The following STRBP variants were observed in gnomAD, a reference collection of about 807,000 sequenced individuals.
STRBP encodes the protein spermatid perinuclear RNA binding protein, also known as spermatid perinuclear RNA-binding protein.
Under a neutral mutation model 80.1 loss-of-function variants are expected in STRBP, and 13 were observed. That is an observed-to-expected ratio of 0.16 (90% confidence interval 0.11 to 0.26). The LOEUF is 0.26. STRBP is among the 10% of genes least tolerant of loss of function. STRBP has a pLI of 1.00. For synonymous variants in STRBP, 284 were observed against 291.2 expected, an observed-to-expected ratio of 0.98 and a Z score of 0.25; for missense variants, 485 against 815.2, an observed-to-expected ratio of 0.59 and a Z score of 4.93.
intron 2 of STRBP, among the ~76,000 whole-genome samples, chr9:123,205,047 C>G (rs1427175219): frequency 3.3e-5 from 5 of 152,060 alleles, no homozygotes; most frequent in Non-Finnish European, 7.4e-5. Context: ...GGGCAGATCA[C>G]CCGAGGTCAG....
At position 123,115,368 on chromosome 9, in the gene STRBP, C is replaced by G; in HGVS notation, c.*84+561G>C. On this transcript the variant is annotated intron_variant and NMD_transcript_variant, in intron 3 of 3. Coordinates refer to the STRBP transcript ENST00000471564. This position sits in a 1 kb window ranked among gnomAD's most constrained non-coding sequence, Gnocchi z 5.0. ...GGAGACCTGGGAACGGGCCTGCCAG[C>G]GCCCAGCCCAGGGCTGGCAAGGAGG... The G allele has an allele frequency of 2.1e-6, 1 of 471,078 alleles. No homozygotes were observed. Among genetic ancestry groups the G allele is most frequent in the Non-Finnish European group, 4.4e-6 (1 of 227,042 alleles). The allele number at this position is 471,078 out of a possible 1,614,324, so 29.2% of individuals were successfully genotyped here.
chr9:123,245,319 C>T (rs962980124), intron 1 of STRBP, among the ~76,000 whole-genome samples: 1 of 152,230 alleles, frequency 6.6e-6, no homozygotes, highest in African/African-American at 2.4e-5. Context: ...GCTTAGGTAG[C>T]ATCCCAAACC....
intron 13 of STRBP, among the ~76,000 whole-genome samples, chr9:123,140,224 A>T (rs750931108): frequency 1.1e-4 from 17 of 152,236 alleles, no homozygotes; most frequent in Admixed American, 3.9e-4. Flanking sequence ...TCTTTGAACC[A>T]ACTTGCCTGT....
chr9:123,265,286 C>T (rs531449514), intron 1 of STRBP, among the ~76,000 whole-genome samples: 9 of 152,098 alleles, frequency 5.9e-5, no homozygotes, highest in African/African-American at 2.2e-4. Context: ...TTCCCACTTC[C>T]ACTCAAACTT....
At chr9:123,164,372 A>C (rs781523584) in intron 6 of STRBP, among the ~76,000 whole-genome samples, 1 of 152,110 alleles carries the variant, frequency 6.6e-6, no homozygotes, top group East Asian at 1.9e-4. Flanking sequence ...AAGAAAATCT[A>C]TTACTCAGTA....
At chr9:123,247,982 G>A (rs927694548) in intron 1 of STRBP, among the ~76,000 whole-genome samples, 6 of 151,992 alleles carry the variant, frequency 3.9e-5, no homozygotes, top group Non-Finnish European at 7.4e-5. Context: ...TTTTTAAATC[G>A]TTATAATAAT....
At chr9:123,150,429 C>T (rs759152400) in intron 11 of STRBP, among the ~76,000 whole-genome samples, 25 of 152,132 alleles carry the variant, frequency 1.6e-4, no homozygotes, top group African/African-American at 2.9e-4. Flanking sequence ...GAGCCTGGCA[C>T]GGTGCCACAT....
chr9:123,220,732 C>T (rs547484381), intron 2 of STRBP, among the ~76,000 whole-genome samples: 28 of 152,256 alleles, frequency 1.8e-4, no homozygotes, highest in African/African-American at 6.5e-4. Context: ...TAACTAACCT[C>T]CAAATAACTG....
intron 4 of STRBP, 53 bp downstream of exon 4, chr9:123,178,954 A>G: frequency 1.3e-6 from 2 of 1,544,456 alleles, no homozygotes; most frequent in Non-Finnish European, 1.8e-6. Flanking sequence ...AGCAGACCTT[A>G]GAGCTTTGCT....
intron 2 of STRBP, among the ~76,000 whole-genome samples, chr9:123,191,078 C>T (rs1424290637): frequency 1.3e-5 from 2 of 152,050 alleles, no homozygotes; most frequent in Non-Finnish European, 2.9e-5. Context: ...GGGAAATAAT[C>T]AAAAGACAAT....
intron 1 of STRBP, among the ~76,000 whole-genome samples, chr9:123,267,194 C>A (rs1001378144): frequency 1.3e-5 from 2 of 149,974 alleles, no homozygotes; most frequent in Non-Finnish European, 3.0e-5. Context: ...CTGCCCCTAA[C>A]GTCCTCCAAC....
At chr9:123,213,117 C>G (rs1333708378) in intron 2 of STRBP, among the ~76,000 whole-genome samples, 1 of 152,130 alleles carries the variant, frequency 6.6e-6, no homozygotes, top group Non-Finnish European at 1.5e-5. Flanking sequence ...CTCCCAAGGC[C>G]GCAATGAAGG....
chr9:123,180,442 G>A (rs1421051835), intron 3 of STRBP, among the ~76,000 whole-genome samples: 3 of 152,056 alleles, frequency 2.0e-5, no homozygotes, highest in Admixed American at 1.3e-4. Flanking sequence ...TGCAGAGTGG[G>A]AAAAATACAT....
chr9:123,257,803 C>T (rs1282378901), intron 1 of STRBP, among the ~76,000 whole-genome samples: 1 of 151,838 alleles, frequency 6.6e-6, no homozygotes, highest in Non-Finnish European at 1.5e-5. Flanking sequence ...GGCAACAGAA[C>T]AAGACCCTGT....
At chr9:123,197,663 ATTTC>A in intron 2 of STRBP, among the ~76,000 whole-genome samples, 1 of 77,504 alleles carries the variant, frequency 1.3e-5, no homozygotes, top group South Asian at 4.4e-4. Flanking sequence ...TGTGAAACAT[ATTTC>A]TTTTTTTTTT....
chr9:123,216,066 C>G (rs1160430728), intron 2 of STRBP, among the ~76,000 whole-genome samples: 2 of 152,144 alleles, frequency 1.3e-5, no homozygotes, highest in Non-Finnish European at 2.9e-5. Context: ...AAATACCATC[C>G]TTAACATCTT....
chr9:123,247,823 G>A (rs1207539621), intron 1 of STRBP, among the ~76,000 whole-genome samples: 1 of 152,156 alleles, frequency 6.6e-6, no homozygotes, highest in Non-Finnish European at 1.5e-5. Context: ...GAATTTAGAT[G>A]TCGTATGTAA....
chr9:123,250,004 G>A (rs1281134574), intron 1 of STRBP, among the ~76,000 whole-genome samples: 2 of 152,182 alleles, frequency 1.3e-5, no homozygotes, highest in Non-Finnish European at 2.9e-5. Flanking sequence ...ACCATGTATA[G>A]ATAAAAGATC....
Position 123,184,250 on chromosome 9 carries a change from C to G in STRBP, c.-116G>C. 1 of 981,420 alleles carries G rather than the reference C, an allele frequency of 1.0e-6. No individual in the cohort carries two copies. Among genetic ancestry groups the G allele is most frequent in the Non-Finnish European group, 1.5e-6 (1 of 658,328 alleles). The allele number at this position is 981,420 out of a possible 1,614,324, so 60.8% of individuals were successfully genotyped here. ...CTCATAAGCCTGAGTCCCCTGACAG[C>G]TCAGCGTCAATATAGCAAATGTCTG... On this transcript the variant is annotated 5_prime_UTR_variant, in exon 3 of 19. Coordinates refer to ENST00000348403, the MANE Select transcript of STRBP (RefSeq NM_018387.5).
Sources: allele counts gnomAD v4.1 joint callset (sites outside exome capture counted in the v4.1 genomes callset), GRCh38; gene constraint gnomAD v4.1.1; non-coding constraint Gnocchi (gnomAD v3.1); transcripts MANE v1.5; gene names NCBI Gene and HGNC (gene_info 2026-07-23, HGNC 2026-07-21).